Variants in SLAMF7 observed in about 807,000 individuals in gnomAD.
SLAMF7 encodes the protein SLAM family member 7.
SLAMF7 carries 26 observed loss-of-function variants against 34.1 expected under a neutral mutation model. That is an observed-to-expected ratio of 0.76 (90% CI 0.56 to 1.06). The LOEUF (loss-of-function observed/expected upper bound fraction) is 1.06, where lower values mean the gene tolerates loss of function less well. Among genes scored for constraint, SLAMF7 ranks in the 50% least tolerant of loss-of-function variants. SLAMF7 has a pLI of 0.00. For missense variants in SLAMF7, 399 were observed against 402.5 expected (o/e 0.99, Z 0.07); for synonymous variants, 171 against 156.4 (o/e 1.09, Z -0.70).
chr1:160,748,041 A>G (rs892866430), intron 1 of SLAMF7, among the ~76,000 whole-genome samples, 153 bp from the exon 2 acceptor site: 3 of 152,210 alleles, frequency 2.0e-5, no homozygotes, highest in Non-Finnish European at 4.4e-5. Flanking sequence ...GTAACATGTG[A>G]GGGACCTCTA....
intron 4 of SLAMF7, 147 bp from the exon 5 acceptor site, chr1:160,751,198 A>G: frequency 1.5e-6 from 1 of 649,782 alleles, no homozygotes; most frequent in African/African-American, 1.8e-5. Flanking sequence ...TTTAACACTG[A>G]AAGTCCTCTA....
chr1:160,744,691 C>G (rs1200072591), intron 1 of SLAMF7, among the ~76,000 whole-genome samples: 1 of 152,134 alleles, frequency 6.6e-6, no homozygotes, highest in Non-Finnish European at 1.5e-5. Context: ...ATTATAGCTT[C>G]AAAATGAAAT....
At chr1:160,744,224 G>C (rs1190732530) in intron 1 of SLAMF7, among the ~76,000 whole-genome samples, 1 of 152,168 alleles carries the variant, frequency 6.6e-6, no homozygotes, top group Non-Finnish European at 1.5e-5. Flanking sequence ...ACAGAAAGAA[G>C]AGCTTCAGTT....
Position 160,752,218 on chromosome 1 carries a change from G to A in SLAMF7, c.906G>A (p.Thr302=), listed in dbSNP as rs774595628. The change falls in exon 6 of 7, where the codon ACG becomes ACA. Residue 302 remains threonine, a synonymous_variant. Transcript: ENST00000368043. ...TCCTAAAGGAAGATCCAGCAAATACGGTTTACTCCACTGTGGAAATACCGA... is the reference window on the plus strand; with the variant it reads ...TCCTAAAGGAAGATCCAGCAAATACAGTTTACTCCACTGTGGAAATACCGA... The part of the protein sequence containing the change: ...RTILKEDPAN[T]VYSTVEIPKK... The A allele has an allele frequency of 3.0e-5, 48 of 1,612,950 alleles. No homozygotes were observed. Among genetic ancestry groups the A allele is most frequent in the South Asian group, 1.2e-4 (11 of 91,002 alleles).
Position 160,748,222 on chromosome 1 carries a change from G to A in SLAMF7, c.84G>A (p.Glu28=), listed in dbSNP as rs1664284155. 2 of 1,613,982 alleles carry A rather than the reference G, an allele frequency of 1.2e-6. No homozygotes were observed. Among genetic ancestry groups the A allele is most frequent in the Non-Finnish European group, 1.7e-6 (2 of 1,179,964 alleles). Residue 28 remains glutamate, a synonymous_variant, in exon 2 of 7, where the codon GAG becomes GAA. Coordinates refer to ENST00000368043, the MANE Select transcript of SLAMF7 (RefSeq NM_021181.5). ...TGSAASGPVK[E]LVGSVGGAVT... ...CAGCAGCCTCTGGACCCGTGAAAGA[G>A]CTGGTCGGTTCCGTTGGTGGGGCCG...
intron 4 of SLAMF7, 52 bp from the exon 5 acceptor site, chr1:160,751,293 A>AGTGGT (rs1358133001): frequency 1.5e-6 from 2 of 1,296,224 alleles, no homozygotes; most frequent in African/African-American, 1.5e-5. Context: ...GGCCAGTGGA[A>AGTGGT]GTGGTGAGTG....
At position 160,753,497 on chromosome 1, in the gene SLAMF7, G is replaced by C. The variant is rs1664797737; in HGVS notation, c.*320G>C. Reference sequence around the variant, plus strand: ...TAAATGCAAGGTCACACATATTAATGACAGCCTGTTGTATTAATGATGGCT... The same window carrying C: ...TAAATGCAAGGTCACACATATTAATCACAGCCTGTTGTATTAATGATGGCT... On this transcript the variant is annotated 3_prime_UTR_variant, in exon 7 of 7. Transcript: ENST00000368043. The C allele has an allele frequency of 3.4e-6, 1 of 297,458 alleles. No homozygotes were observed. 18.4% of individuals were successfully genotyped at this position (297,458 alleles called of 1,614,324 possible). A position where few individuals can be genotyped will look rare whatever the true frequency, so the allele number is the denominator to read the frequency against.
At chr1:160,745,782 TTG>T (rs1664082660) in intron 1 of SLAMF7, among the ~76,000 whole-genome samples, 1 of 152,238 alleles carries the variant, frequency 6.6e-6, no homozygotes, top group African/African-American at 2.4e-5. Flanking sequence ...TTGCTGATCC[TTG>T]TGTAAAAGGG....
intron 3 of SLAMF7, 101 bp from the exon 4 acceptor site, chr1:160,750,203 G>T: frequency 6.3e-7 from 1 of 1,577,130 alleles, no homozygotes; most frequent in Non-Finnish European, 8.6e-7. Flanking sequence ...GCCGCTGGGT[G>T]GTCACCAGGC....
At chr1:160,746,562 G>C (rs561869853) in intron 1 of SLAMF7, among the ~76,000 whole-genome samples, 20 of 152,356 alleles carry the variant, frequency 1.3e-4, no homozygotes, top group African/African-American at 4.8e-4. Context: ...GCTGATGTGA[G>C]ACCTCAGTTC....
Position 160,749,816 on chromosome 1 carries a change from C to T in SLAMF7, c.377-5C>T, listed in dbSNP as rs1295535386. On this transcript the variant is annotated splice_region_variant and splice_polypyrimidine_tract_variant and intron_variant, in intron 2 of 6. Transcript: ENST00000368043. ...TTCCACCTCTGGTTTTCCTTCCTCT[C>T]ACAGAGCACCTGTCAAAGCCTAAAG... 2 of 1,571,444 alleles carry T rather than the reference C, an allele frequency of 1.3e-6. No homozygotes were observed. The highest frequency in any genetic ancestry group is 1.7e-6 in the Non-Finnish European group (2 of 1,158,230).
intron 6 of SLAMF7, among the ~76,000 whole-genome samples, chr1:160,752,624 C>T (rs1664727386): frequency 6.6e-6 from 1 of 152,188 alleles, no homozygotes; most frequent in African/African-American, 2.4e-5. Flanking sequence ...CACCAGGAAA[C>T]TGCAGGAGGG....
At chr1:160,743,186 T>C (rs531097698) in intron 1 of SLAMF7, among the ~76,000 whole-genome samples, 7 of 152,204 alleles carry the variant, frequency 4.6e-5, no homozygotes, top group Non-Finnish European at 8.8e-5. Context: ...ATTTAAAGTG[T>C]CAATGAAGTG....
Position 160,748,566 on chromosome 1 carries a change from C to T in SLAMF7, c.376+52C>T, listed in dbSNP as rs762084865. 1.9e-5 allele frequency: 29 copies of T among 1,510,794 alleles called. No homozygotes were observed. The South Asian group carries it at 2.8e-4, about 15-fold the overall frequency. The allele number at this position is 1,510,794 out of a possible 1,614,324, so 93.6% of individuals were successfully genotyped here. A position where few individuals can be genotyped will look rare whatever the true frequency, so the allele number is the denominator to read the frequency against. ...ATGGCTGCCTTGGTGAGGTGGTGAG[C>T]TCCTTGACATGAGAGATGTTTAAGC... On this transcript the variant is annotated intron_variant, in intron 2 of 6. Coordinates refer to ENST00000368043, the MANE Select transcript of SLAMF7 (RefSeq NM_021181.5).
At chr1:160,745,160 C>T (rs1664028051) in intron 1 of SLAMF7, among the ~76,000 whole-genome samples, 1 of 152,146 alleles carries the variant, frequency 6.6e-6, no homozygotes, top group African/African-American at 2.4e-5. Context: ...TTTAGCAAAA[C>T]GTTGGCAGAG....
intron 1 of SLAMF7, among the ~76,000 whole-genome samples, chr1:160,740,657 T>G (rs972801188): frequency 6.6e-6 from 1 of 152,190 alleles, no homozygotes; most frequent in Admixed American, 6.5e-5. Flanking sequence ...TTCTCAGGTG[T>G]GTAACAGAGA....
chr1:160,748,286 T>G lies in SLAMF7; in HGVS notation c.148T>G (p.Ser50Ala), dbSNP rs370229445. Residue 50 changes from serine (S) to alanine (A), a missense_variant, in exon 2 of 7, where the codon TCT becomes GCT. Ser to Ala is a moderately conservative substitution (Grantham distance 99). Coordinates refer to ENST00000368043, the MANE Select transcript of SLAMF7 (RefSeq NM_021181.5). ...GAAGTCCAAAGTAAAGCAAGTTGAC[T>G]CTATTGTCTGGACCTTCAACACAAC... ...PLKSKVKQVD[S>A]IVWTFNTTPL... is the part of the protein sequence containing the mutation. The G allele has an allele frequency of 1.2e-6, 2 of 1,613,974 alleles. No individual in the cohort carries two copies. The highest frequency in any genetic ancestry group is 1.7e-6 in the Non-Finnish European group (2 of 1,179,990).
At chr1:160,739,441 G>C in intron 1 of SLAMF7, 85 bp downstream of exon 1, 1 of 1,168,572 alleles carries the variant, frequency 8.6e-7, no homozygotes, top group South Asian at 1.4e-5. Context: ...TGGGCCTCTG[G>C]CTCAACTCGG....
intron 1 of SLAMF7, among the ~76,000 whole-genome samples, chr1:160,744,781 T>A (rs769110836): frequency 6.6e-6 from 1 of 152,220 alleles, no homozygotes; most frequent in African/African-American, 2.4e-5. Context: ...CAATCTTTAT[T>A]TGACTTCATA....
Sources: gnomAD v4.1 joint callset for allele counts (sites outside exome capture counted in the v4.1 genomes callset) on GRCh38, gnomAD v4.1.1 for gene constraint, MANE v1.5 for transcripts, NCBI Gene and HGNC (gene_info 2026-07-23, HGNC 2026-07-21) for gene names.